The following MYH9 variants were observed in gnomAD, a reference collection of about 807,000 sequenced individuals.
MYH9 encodes the protein myosin heavy chain 9.
A neutral mutation model predicts 241.9 loss-of-function variants in MYH9; 29 were observed. That is an observed-to-expected ratio of 0.12 (90% CI 0.09 to 0.16). MYH9 has a LOEUF of 0.16. Ranked by LOEUF, MYH9 falls within the 10% of genes least tolerant of loss-of-function variation. MYH9 has a pLI of 1.00. For missense variants in MYH9, 1,803 were observed against 2,595.5 expected (o/e 0.69, Z 6.63); for synonymous variants, 1,047 against 1,062.6 (o/e 0.99, Z 0.29).
At chr22:36,326,785 G>A in intron 4 of MYH9, 124 bp from the exon 5 acceptor site, 1 of 774,194 alleles carries the variant, frequency 1.3e-6, no homozygotes, top group Non-Finnish European at 2.2e-6. Flanking sequence ...CCAACGTGTG[G>A]CAGAAAACGG....
chr22:36,314,455 C>A (rs992975341), intron 12 of MYH9, 137 bp from the exon 13 acceptor site: 2 of 1,085,050 alleles, frequency 1.8e-6, no homozygotes, highest in African/African-American at 1.6e-5. Flanking sequence ...CTTTAGAGCC[C>A]GGATGCTCCT....
At chr22:36,373,026 T>C (rs1034371923) in intron 1 of MYH9, among the ~76,000 whole-genome samples, 2 of 152,160 alleles carry the variant, frequency 1.3e-5, no homozygotes, top group African/African-American at 2.4e-5. Context: ...TCTTCTCCCC[T>C]TAGGCCCACC....
At chr22:36,374,838 C>T (rs2018142001) in intron 1 of MYH9, among the ~76,000 whole-genome samples, 1 of 152,210 alleles carries the variant, frequency 6.6e-6, no homozygotes, top group Non-Finnish European at 1.5e-5. Flanking sequence ...AGGGCCTTCA[C>T]CAACCTGAAT....
At chr22:36,292,295 G>A (rs368393464) in intron 30 of MYH9, 61 bp from the exon 31 acceptor site, 86 of 1,607,962 alleles carry the variant, frequency 5.3e-5, no homozygotes, top group Middle Eastern at 3.3e-4. Flanking sequence ...TGGCACACCC[G>A]TCCCTGGGGC....
chr22:36,372,315 C>T (rs541460499), intron 1 of MYH9, among the ~76,000 whole-genome samples: 1 of 152,050 alleles, frequency 6.6e-6, no homozygotes, highest in African/African-American at 2.4e-5. Flanking sequence ...TAGCAAGATC[C>T]CATCTCTACC....
At chr22:36,348,809 G>A (rs960779034) in intron 2 of MYH9, 95 bp downstream of exon 2, 2 of 1,243,428 alleles carry the variant, frequency 1.6e-6, no homozygotes, top group Non-Finnish European at 2.3e-6. Flanking sequence ...AGAGAGCCAG[G>A]GCCCAGGCAC....
In MYH9 at chr22:36,329,940, G is replaced by A. The variant is rs539704360; in HGVS notation, c.491-2452C>T. On this transcript the variant is annotated intron_variant, in intron 3 of 40. Transcript: ENST00000216181. The surrounding 1 kb of genome is among the most constrained non-coding windows in gnomAD (Gnocchi z 4.1). ...CCACACAAGGCACACAGCTGCACAC[G>A]CATTCACAGATGCATATCCACAAGC... is the stretch of plus-strand genomic sequence containing the variant. 5.9e-5 allele frequency among the ~76,000 whole-genome samples: 9 copies of A among 152,330 alleles called. No individual in the cohort carries two copies. The highest frequency in any genetic ancestry group is 2.1e-4 in the South Asian group (1 of 4,830).
At chr22:36,341,183 T>C (rs1411253001) in intron 3 of MYH9, among the ~76,000 whole-genome samples, 187 bp downstream of exon 3, 1 of 152,200 alleles carries the variant, frequency 6.6e-6, no homozygotes, top group Non-Finnish European at 1.5e-5. Flanking sequence ...TATCAACATA[T>C]AAACATGTCC....
chr22:36,315,360 A>C (rs1420783097), intron 12 of MYH9, among the ~76,000 whole-genome samples: 1 of 152,124 alleles, frequency 6.6e-6, no homozygotes, highest in Non-Finnish European at 1.5e-5. Flanking sequence ...GCTCCTCTCA[A>C]ACCTCCCGTG....
intron 3 of MYH9, among the ~76,000 whole-genome samples, chr22:36,331,151 C>T (rs923931378): frequency 2.0e-5 from 3 of 152,042 alleles, no homozygotes; most frequent in African/African-American, 7.2e-5. Context: ...CCCTGGGTTC[C>T]GCTCTTCCCC....
chr22:36,306,843 C>G lies in MYH9; in HGVS notation c.1844-236G>C, dbSNP rs1257063198. Among the ~76,000 whole-genome samples the G allele has an allele frequency of 6.6e-6, 1 of 152,194 alleles. No homozygotes were observed. The highest frequency in any genetic ancestry group is 6.5e-5 in the Admixed American group (1 of 15,272). On this transcript the variant is annotated intron_variant, in intron 15 of 40. Transcript: ENST00000216181. This position sits in a 1 kb window ranked among gnomAD's most constrained non-coding sequence, Gnocchi z 4.1. ...TGTCTCTTGGGGAGCCATGCATCTG[C>G]CATGGCCACCTCACCTTCCTGTCAC...
intron 1 of MYH9, among the ~76,000 whole-genome samples, chr22:36,367,157 G>A (rs1419465398): frequency 6.6e-6 from 1 of 152,166 alleles, no homozygotes; most frequent in Admixed American, 6.5e-5. Flanking sequence ...AAGGCAACAT[G>A]AACAAAGACT....
In MYH9 at chr22:36,322,414, C is replaced by T. The variant is rs373901192; in HGVS notation, c.705+15G>A. The T allele has an allele frequency of 1.2e-4, 190 of 1,613,438 alleles. No individual in the cohort carries two copies. The highest frequency in any genetic ancestry group is 1.4e-4 in the Non-Finnish European group (162 of 1,179,718). On this transcript the variant is annotated intron_variant, in intron 6 of 40. Coordinates refer to ENST00000216181, the MANE Select transcript of MYH9 (RefSeq NM_002473.6). Reference sequence around the variant, plus strand: ...CCCTCTGTCCCCAGAGCCGGGGCGCCGCCGCGCTACTCACGAAGCGGGAGG... The same window carrying T: ...CCCTCTGTCCCCAGAGCCGGGGCGCTGCCGCGCTACTCACGAAGCGGGAGG...
chr22:36,306,104 G>A lies in MYH9; in HGVS notation c.2038-53C>T. 1 of 1,608,762 alleles carries A rather than the reference G, an allele frequency of 6.2e-7. No homozygotes were observed. The highest frequency in any genetic ancestry group is 1.7e-5 in the Admixed American group (1 of 60,014). On this transcript the variant is annotated intron_variant, in intron 16 of 40. Transcript: ENST00000216181. This position sits in a 1 kb window ranked among gnomAD's most constrained non-coding sequence, Gnocchi z 4.1. Reference sequence around the variant, plus strand: ...CTCACTTCCGTGCCTAGAACAGTCGGAGAATAGTCAGGGAACCCCTATGAA... The same window carrying A: ...CTCACTTCCGTGCCTAGAACAGTCGAAGAATAGTCAGGGAACCCCTATGAA...
At position 36,294,291 on chromosome 22, in the gene MYH9, G is replaced by C. The variant is rs886057481; in HGVS notation, c.3638C>G (p.Ala1213Gly). The C allele has an allele frequency of 1.4e-5, 23 of 1,613,662 alleles. No individual in the cohort carries two copies. The highest frequency in any genetic ancestry group is 1.9e-5 in the Non-Finnish European group (22 of 1,180,042). ...AGTCTGCTTTGCCTTCTCGAGGTTT[G>C]CTTTCACCTAGCAGGGAAGAAAGCA... ...EQLEQTKRVKANLEKAKQTLE... is the reference protein window; with the variant it reads ...EQLEQTKRVKGNLEKAKQTLE... The change falls in exon 28 of 41, where the codon GCA becomes GGA. Residue 1213 changes from alanine (A) to glycine (G), a missense_variant. This residue lies in a region of MYH9 where 876 missense variants were observed against 1,077.8 expected (regional missense o/e 0.81). Transcript: ENST00000216181.
At chr22:36,313,363 AATGGCATGAACCCGGAAGG>A (rs1305927143) in intron 13 of MYH9, among the ~76,000 whole-genome samples, 2 of 149,184 alleles carry the variant, frequency 1.3e-5, no homozygotes, top group South Asian at 4.3e-4. Flanking sequence ...GAGGCAGGAG[AATGGCATGAACCCGGAAGG>A]CGGAGCTTGC....
intron 1 of MYH9, among the ~76,000 whole-genome samples, chr22:36,355,638 C>T (rs745971082): frequency 3.3e-5 from 5 of 152,164 alleles, no homozygotes; most frequent in Non-Finnish European, 7.3e-5. Flanking sequence ...TGCTAGGAAG[C>T]GCTGCATGTT....
rs566602153 is a variant in MYH9, at chr22:36,330,672, C to T, written c.491-3184G>A. On this transcript the variant is annotated intron_variant, in intron 3 of 40. Coordinates refer to ENST00000216181, the MANE Select transcript of MYH9 (RefSeq NM_002473.6). This position sits in a 1 kb window ranked among gnomAD's most constrained non-coding sequence, Gnocchi z 4.5. ...AGTGGAGACTGCCATTGGCGCCCAC[C>T]CCATCAACCCTTCCCCGCACTGTCA... is the stretch of plus-strand genomic sequence containing the variant. 3.3e-5 allele frequency among the ~76,000 whole-genome samples: 5 copies of T among 152,210 alleles called. No individual in the cohort carries two copies. In the South Asian group the frequency reaches 1.0e-3, roughly 32 times the overall value.
chr22:36,387,538 GGCGCCGGGGA>G (rs998919052), intron 1 of MYH9, among the ~76,000 whole-genome samples: 2 of 151,694 alleles, frequency 1.3e-5, no homozygotes, highest in African/African-American at 2.4e-5. Flanking sequence ...GGACACGGGG[GGCGCCGGGGA>G]GCGCCGGGTC....
Sources: gnomAD v4.1 joint callset for allele counts (sites outside exome capture counted in the v4.1 genomes callset) on GRCh38, gnomAD v4.1.1 for gene constraint, gnomAD v4.1.1 regional missense constraint, Gnocchi (gnomAD v3.1) non-coding constraint, MANE v1.5 for transcripts, NCBI Gene and HGNC (gene_info 2026-07-23, HGNC 2026-07-21) for gene names.